The following CROCC2 variants were observed in gnomAD, a reference collection of about 807,000 sequenced individuals.
CROCC2 encodes the protein ciliary rootlet coiled-coil, rootletin family member 2, also known as ciliary rootlet coiled-coil protein 2.
In CROCC2, 163 loss-of-function variants were observed where a neutral mutation model predicts 177.6. The ratio of observed to expected loss-of-function variants is 0.92; its 90% CI spans 0.81 to 1.05. The LOEUF (loss-of-function observed/expected upper bound fraction) is 1.05, where lower values mean the gene tolerates loss of function less well. CROCC2 is among the 50% of genes least tolerant of loss of function. The pLI is 0.00. For synonymous variants in CROCC2, 904 were observed against 787.3 expected (o/e 1.15, Z -2.48); for missense variants, 1,929 against 1,797.8 (o/e 1.07, Z -1.32).
intron 13 of CROCC2, 37 bp from the exon 14 acceptor site, chr2:240,935,321 G>C (rs2059461395): frequency 7.5e-7 from 1 of 1,333,744 alleles, no homozygotes; most frequent in Admixed American, 3.5e-5. Context: ...CCGAGGATGG[G>C]GGGAGTGGAT....
chr2:240,957,007 T>C (rs990323519), intron 19 of CROCC2, among the ~76,000 whole-genome samples: 1 of 151,952 alleles, frequency 6.6e-6, no homozygotes, highest in Admixed American at 6.6e-5. Context: ...GGAGAGGCTG[T>C]TTGTGTTGAG....
intron 12 of CROCC2, 131 bp from the exon 13 acceptor site, chr2:240,934,785 C>A: frequency 9.4e-7 from 1 of 1,061,422 alleles, no homozygotes; most frequent in South Asian, 2.0e-5. Context: ...CTGTGGCGAC[C>A]TTCCCACCAT....
chr2:240,969,727 C>CTT (rs1457587767), intron 27 of CROCC2, among the ~76,000 whole-genome samples: 1 of 152,034 alleles, frequency 6.6e-6, no homozygotes, highest in East Asian at 1.9e-4. Flanking sequence ...TGAAAGAGAC[C>CTT]TTCTATTTTA....
intron 3 of CROCC2, 50 bp from the exon 4 acceptor site, chr2:240,922,489 C>T: frequency 1.5e-6 from 1 of 657,830 alleles, no homozygotes. Context: ...CAGCCCCTGC[C>T]TGGCGGGTTC....
intron 1 of CROCC2, among the ~76,000 whole-genome samples, chr2:240,909,334 C>T (rs1166545158): frequency 1.3e-5 from 2 of 151,608 alleles, no homozygotes; most frequent in African/African-American, 2.4e-5. Flanking sequence ...AGCTCTACCT[C>T]CTCCACCTGG....
chr2:240,951,373 A>G (rs1216889936), intron 18 of CROCC2, among the ~76,000 whole-genome samples: 2 of 151,480 alleles, frequency 1.3e-5, no homozygotes, highest in Non-Finnish European at 2.9e-5. Context: ...CCATCCATCC[A>G]TACACTCATC....
intron 12 of CROCC2, 74 bp downstream of exon 12, chr2:240,934,549 T>A: frequency 1.6e-6 from 2 of 1,284,374 alleles, no homozygotes; most frequent in East Asian, 2.9e-5. Flanking sequence ...TGACCTGGCC[T>A]CCCACTCCCT....
At chr2:240,959,182 A>G in intron 19 of CROCC2, 119 bp from the exon 20 acceptor site, 1 of 1,195,638 alleles carries the variant, frequency 8.4e-7, no homozygotes, top group Non-Finnish European at 1.1e-6. Flanking sequence ...GATCAGCAGG[A>G]CCCGGCTCCC....
intron 18 of CROCC2, among the ~76,000 whole-genome samples, chr2:240,952,424 C>T (rs923493524): frequency 6.6e-6 from 1 of 152,110 alleles, no homozygotes; most frequent in African/African-American, 2.4e-5. Flanking sequence ...TTGCAACACT[C>T]TGAGGCACAT....
chr2:240,958,939 G>A lies in CROCC2; in HGVS notation c.2944-362G>A, dbSNP rs1324272521. 3 of 184,690 alleles carry A rather than the reference G, an allele frequency of 1.6e-5. No individual in the cohort carries two copies. The highest frequency in any genetic ancestry group is 7.1e-5 in the African/African-American group (3 of 42,536). The allele number at this position is 184,690 out of a possible 1,614,324, so 11.4% of individuals were successfully genotyped here. A position where few individuals can be genotyped will look rare whatever the true frequency, so the allele number is the denominator to read the frequency against. On this transcript the variant is annotated intron_variant, in intron 19 of 31. Coordinates refer to ENST00000690015, the MANE Select transcript of CROCC2 (RefSeq NM_001351305.2). This position sits in a 1 kb window ranked among gnomAD's most constrained non-coding sequence, Gnocchi z 6.7. The stretch of plus-strand genomic sequence containing the variant: ...CACCTCGGGTGGTGTGTGCGACAGG[G>A]AGCCGACTCCAGCTGAGCTCAGTCC...
At chr2:240,914,549 G>A (rs1212982999) in intron 1 of CROCC2, among the ~76,000 whole-genome samples, 2 of 152,246 alleles carry the variant, frequency 1.3e-5, no homozygotes, top group Non-Finnish European at 2.9e-5. Context: ...GCCACACGGG[G>A]GCACTGTTGG....
intron 28 of CROCC2, chr2:240,983,523 C>CCGAG (rs2059816026): frequency 8.0e-7 from 1 of 1,252,294 alleles, no homozygotes; most frequent in African/African-American, 1.6e-5. Context: ...GCGCTGCGCA[C>CCGAG]CGAGCGGGCG....
intron 11 of CROCC2, 126 bp from the exon 12 acceptor site, chr2:240,934,205 G>T (rs1339927465): frequency 3.7e-6 from 4 of 1,072,136 alleles, no homozygotes; most frequent in South Asian, 1.6e-5. Context: ...GTCCTCCAGG[G>T]ACTCCATGCT....
intron 27 of CROCC2, among the ~76,000 whole-genome samples, chr2:240,979,860 T>A (rs373270816): frequency 3.2e-3 from 21 of 6,564 alleles, no homozygotes; most frequent in African/African-American, 0.011. Context: ...TAGGAGCCTC[T>A]GGAGCCCAGG....
intron 1 of CROCC2, among the ~76,000 whole-genome samples, chr2:240,909,448 G>T (rs34752570): frequency 6.6e-6 from 1 of 151,970 alleles, no homozygotes; most frequent in Non-Finnish European, 1.5e-5. Flanking sequence ...GAGCAGGGCT[G>T]GTGAATGGAG....
At chr2:240,952,315 C>CAAA (rs71049540) in intron 18 of CROCC2, among the ~76,000 whole-genome samples, 19,536 of 113,162 alleles carry the variant, frequency 0.17, 1,867 homozygotes, top group African/African-American at 0.2. Flanking sequence ...TACTCCTTCT[C>CAAA]AAAAAAAAAA....
chr2:240,937,826 G>T (rs543501179), intron 14 of CROCC2, among the ~76,000 whole-genome samples: 3 of 152,264 alleles, frequency 2.0e-5, no homozygotes, highest in Non-Finnish European at 2.9e-5. Flanking sequence ...TGTTCATGGG[G>T]CCAGATTTCT....
chr2:240,922,453 A>C, intron 3 of CROCC2, 86 bp from the exon 4 acceptor site: 1 of 609,026 alleles, frequency 1.6e-6, no homozygotes, highest in Non-Finnish European at 3.0e-6. Context: ...TTCCCCACTA[A>C]GGTCGGCTTT....
intron 28 of CROCC2, among the ~76,000 whole-genome samples, chr2:240,985,732 C>CCACACACACACACAGGCACTCACTCCA (rs200467504): frequency 3.0e-5 from 1 of 32,880 alleles, no homozygotes. Flanking sequence ...GGCACTCACT[C>CCACACACACACACAGGCACTCACTCCA]CACACACACA....
Sources: allele counts gnomAD v4.1 joint callset (sites outside exome capture counted in the v4.1 genomes callset), GRCh38; gene constraint gnomAD v4.1.1; non-coding constraint Gnocchi (gnomAD v3.1); transcripts MANE v1.5; gene names NCBI Gene and HGNC (gene_info 2026-07-23, HGNC 2026-07-21).